Variants in MTHFD1 observed in about 807,000 individuals in gnomAD.
MTHFD1 encodes methylenetetrahydrofolate dehydrogenase, cyclohydrolase and formyltetrahydrofolate synthetase 1.
Under a neutral mutation model 110.3 loss-of-function variants are expected in MTHFD1, and 44 were observed. That is an observed-to-expected ratio of 0.40 (90% CI 0.31 to 0.51). The LOEUF is 0.51. Ranked by LOEUF, MTHFD1 falls within the 20% of genes least tolerant of loss-of-function variation. MTHFD1 has a pLI of 0.60. For synonymous variants in MTHFD1, 402 were observed against 428.8 expected (o/e 0.94, Z 0.77); for missense variants, 909 against 1,173.1 (o/e 0.77, Z 3.29).
In MTHFD1 at chr14:64,448,276, A is replaced by G; in HGVS notation, c.2238A>G (p.Arg746=). The change falls in exon 23 of 28, where the codon AGA becomes AGG. Residue 746 remains arginine (R), a synonymous_variant. Coordinates refer to ENST00000652337, the MANE Select transcript of MTHFD1 (RefSeq NM_005956.4). ...SNLKKQIENA[R]MFGIPVVVAV... ...TGAAGAAACAAATTGAAAATGCCAG[A>G]ATGTTTGGAATTCCAGTAGTAGTGG... 1 of 1,614,162 alleles carries G rather than the reference A, an allele frequency of 6.2e-7. No homozygotes were observed. Among genetic ancestry groups the G allele is most frequent in the Non-Finnish European group, 8.5e-7 (1 of 1,179,986 alleles).
chr14:64,420,957 C>T (rs535929570), intron 8 of MTHFD1, among the ~76,000 whole-genome samples: 4 of 152,176 alleles, frequency 2.6e-5, no homozygotes, highest in Non-Finnish European at 5.9e-5. Context: ...AACTTGCGTA[C>T]GTCCTCATAG....
At chr14:64,405,099 G>A (rs547864093) in intron 2 of MTHFD1, among the ~76,000 whole-genome samples, 15 of 152,148 alleles carry the variant, frequency 9.9e-5, no homozygotes, top group Non-Finnish European at 1.5e-4. Context: ...CTGCTGTGGT[G>A]GATTTTCCCT....
At chr14:64,401,431 C>T (rs375653842) in intron 2 of MTHFD1, among the ~76,000 whole-genome samples, 1 of 152,142 alleles carries the variant, frequency 6.6e-6, no homozygotes, top group Non-Finnish European at 1.5e-5. Context: ...TGGCCGGACA[C>T]GGTGGCTCCT....
At chr14:64,411,866 A>C (rs140123751) in intron 3 of MTHFD1, among the ~76,000 whole-genome samples, 28 of 151,976 alleles carry the variant, frequency 1.8e-4, no homozygotes, top group Non-Finnish European at 3.1e-4. Context: ...GTGCCATTGC[A>C]CTCCAGCCTG....
At position 64,441,679 on chromosome 14, in the gene MTHFD1, G is replaced by A. The variant is rs375331430; in HGVS notation, c.1884+226G>A. ...AAATTAGCCGGGCATGGTGGCGGGC[G>A]CCTGTAGTCCCAGCTGCTCGGAAGG... On this transcript the variant is annotated intron_variant, in intron 19 of 27. Transcript: ENST00000652337. 1,591 of 567,958 alleles carry A rather than the reference G, an allele frequency of 2.8e-3. 6 individuals are homozygous for A. Among genetic ancestry groups the A allele is most frequent in the Non-Finnish European group, 3.1e-3 (982 of 313,298 alleles). 35.2% of individuals were successfully genotyped at this position (567,958 alleles called of 1,614,324 possible).
At chr14:64,412,578 TG>T (rs1288370377) in intron 4 of MTHFD1, 53 bp downstream of exon 4, 4 of 1,424,728 alleles carry the variant, frequency 2.8e-6, no homozygotes, top group Non-Finnish European at 4.0e-6. Flanking sequence ...GTTTCCTCTC[TG>T]GTTTTGGTTT....
Position 64,448,044 on chromosome 14 carries a change from T to A in MTHFD1, c.2179-173T>A, listed in dbSNP as rs563280111. ...GTGAAAGCTGCAGTTCTCCATAGCA[T>A]CCACTCACCGCACTGGAAAAAATGC... On this transcript the variant is annotated intron_variant, in intron 22 of 27. Coordinates refer to ENST00000652337, the MANE Select transcript of MTHFD1 (RefSeq NM_005956.4). 7.7e-6 allele frequency: 5 copies of A among 653,534 alleles called. No homozygotes were observed. The South Asian group carries it at 8.4e-5, about 11-fold the overall frequency. 40.5% of individuals were successfully genotyped at this position (653,534 alleles called of 1,614,324 possible). A position where few individuals can be genotyped will look rare whatever the true frequency, so the allele number is the denominator to read the frequency against.
chr14:64,429,755 T>G (rs1320804322), intron 12 of MTHFD1, among the ~76,000 whole-genome samples: 1 of 150,668 alleles, frequency 6.6e-6, no homozygotes, highest in Non-Finnish European at 1.5e-5. Context: ...AATCTAGCAA[T>G]TAGGCTGCTT....
intron 22 of MTHFD1, among the ~76,000 whole-genome samples, chr14:64,447,123 T>C (rs2078295889): frequency 6.7e-6 from 1 of 148,230 alleles, no homozygotes; most frequent in Non-Finnish European, 1.5e-5. Flanking sequence ...GGATTACAGG[T>C]GTGAGCTACC....
chr14:64,457,145 A>G (rs952511756), intron 26 of MTHFD1, among the ~76,000 whole-genome samples: 1 of 152,232 alleles, frequency 6.6e-6, no homozygotes, highest in African/African-American at 2.4e-5. Flanking sequence ...GATTATGTAC[A>G]AAAGTGTCTT....
At chr14:64,430,130 A>C in intron 12 of MTHFD1, 54 bp from the exon 13 acceptor site, 5 of 1,478,100 alleles carry the variant, frequency 3.4e-6, no homozygotes, top group Non-Finnish European at 4.7e-6. Flanking sequence ...TTTGATTTCT[A>C]AGTCATTGGA....
At chr14:64,414,293 T>A (rs905479404) in intron 4 of MTHFD1, among the ~76,000 whole-genome samples, 4 of 136,068 alleles carry the variant, frequency 2.9e-5, no homozygotes, top group Non-Finnish European at 4.8e-5. Context: ...CCGCTTTTTT[T>A]TTTTTTTTTT....
intron 8 of MTHFD1, among the ~76,000 whole-genome samples, chr14:64,422,722 T>C (rs1286013000): frequency 6.6e-5 from 10 of 152,124 alleles, no homozygotes; most frequent in Non-Finnish European, 1.5e-4. Flanking sequence ...GGATCTTTAG[T>C]TGATTTTTGT....
chr14:64,451,788 A>G (rs1249135615), intron 24 of MTHFD1, among the ~76,000 whole-genome samples: 2 of 152,220 alleles, frequency 1.3e-5, no homozygotes, highest in Admixed American at 6.5e-5. Flanking sequence ...CCCTTCAACC[A>G]AAGTGCTTTT....
Position 64,435,635 on chromosome 14 carries a change from T to A in MTHFD1, c.1561T>A (p.Leu521Met). 1 of 1,612,790 alleles carries A rather than the reference T, an allele frequency of 6.2e-7. No homozygotes were observed. Among genetic ancestry groups the A allele is most frequent in the South Asian group, 1.1e-5 (1 of 91,060 alleles). Reference protein sequence around the residue: ...TDEEINRFARLDIDPETITWQ... With the variant: ...TDEEINRFARMDIDPETITWQ... Reference sequence around the variant, plus strand: ...TGAAGAGATAAACAGATTTGCAAGATTGGACATTGATCCAGAAACCATAAC... The same window carrying A: ...TGAAGAGATAAACAGATTTGCAAGAATGGACATTGATCCAGAAACCATAAC... Residue 521 changes from leucine (L) to methionine (M), a missense_variant, in exon 16 of 28, where the codon TTG (leucine) becomes ATG (methionine). By Grantham distance (15) the Leu-to-Met change is conservative. This residue lies in a region of MTHFD1 where 482 missense variants were observed against 646.0 expected (regional missense o/e 0.75). Coordinates refer to ENST00000652337, the MANE Select transcript of MTHFD1 (RefSeq NM_005956.4).
chr14:64,402,124 G>A (rs1444436421), intron 2 of MTHFD1, among the ~76,000 whole-genome samples: 3 of 152,208 alleles, frequency 2.0e-5, no homozygotes, highest in Non-Finnish European at 4.4e-5. Context: ...AACTCTATCA[G>A]TGAACTTTGA....
intron 27 of MTHFD1, chr14:64,458,697 T>C (rs922505910): frequency 3.7e-6 from 1 of 270,468 alleles, no homozygotes. Context: ...TCTGAATAGG[T>C]AGTTAGAAGG....
chr14:64,446,503 T>A (rs1325937878), intron 22 of MTHFD1, among the ~76,000 whole-genome samples: 1 of 152,198 alleles, frequency 6.6e-6, no homozygotes, highest in Non-Finnish European at 1.5e-5. Context: ...CCTTAATTGC[T>A]TCCCTTTAGT....
intron 7 of MTHFD1, among the ~76,000 whole-genome samples, chr14:64,418,703 T>C (rs994236041): frequency 1.3e-5 from 2 of 152,010 alleles, no homozygotes; most frequent in African/African-American, 4.8e-5. Context: ...ATTACAGGCA[T>C]GTGCCACCAC....
Sources: gnomAD v4.1 joint callset for allele counts (sites outside exome capture counted in the v4.1 genomes callset) on GRCh38, gnomAD v4.1.1 for gene constraint, gnomAD v4.1.1 regional missense constraint, MANE v1.5 for transcripts, NCBI Gene and HGNC (gene_info 2026-07-23, HGNC 2026-07-21) for gene names.